PTPRM: variants seen among roughly 807,000 people sequenced by gnomAD.
PTPRM encodes the protein protein tyrosine phosphatase receptor type M.
Under a neutral mutation model 186.7 loss-of-function variants are expected in PTPRM, and 47 were observed. That is an observed-to-expected ratio of 0.25 (90% CI 0.20 to 0.32). The LOEUF (loss-of-function observed/expected upper bound fraction) is 0.32, where lower values mean the gene tolerates loss of function less well. Ranked by LOEUF, PTPRM falls within the 10% of genes least tolerant of loss-of-function variation. PTPRM has a pLI of 1.00. For missense variants in PTPRM, 1,494 were observed against 1,865.0 expected (o/e 0.80, Z 3.66); for synonymous variants, 668 against 674.9 (o/e 0.99, Z 0.16).
intron 19 of PTPRM, among the ~76,000 whole-genome samples, chr18:8,285,186 C>T (rs1399531694): frequency 3.9e-5 from 6 of 152,204 alleles, no homozygotes; most frequent in Non-Finnish European, 8.8e-5. Flanking sequence ...TTTCCACTGA[C>T]ATTCACAGGT....
At chr18:8,251,426 TTCCTGTA>T (rs775923726) in intron 17 of PTPRM, among the ~76,000 whole-genome samples, 44 of 152,228 alleles carry the variant, frequency 2.9e-4, no homozygotes, top group Non-Finnish European at 5.1e-4. Context: ...TTCAGCAGGG[TTCCTGTA>T]TCCCAGTTTA....
chr18:8,143,372 TA>T (rs139321782), intron 13 of PTPRM, among the ~76,000 whole-genome samples: 84 of 149,896 alleles, frequency 5.6e-4, no homozygotes, highest in East Asian at 2.5e-3. Context: ...AATATTTTTC[TA>T]AAAAAAAAAT....
At chr18:8,269,371 A>G (rs2094741969) in intron 19 of PTPRM, among the ~76,000 whole-genome samples, 2 of 152,016 alleles carry the variant, frequency 1.3e-5, no homozygotes, top group African/African-American at 4.8e-5. Flanking sequence ...ACTAGAAAAC[A>G]TTTATAAAAG....
chr18:8,246,322 A>G (rs1483006290), intron 15 of PTPRM, among the ~76,000 whole-genome samples: 3 of 152,148 alleles, frequency 2.0e-5, no homozygotes, highest in Non-Finnish European at 4.4e-5. Context: ...AAGGGGAAAA[A>G]CGAAATAGGA....
intron 11 of PTPRM, among the ~76,000 whole-genome samples, chr18:8,108,653 C>A (rs1480877992): frequency 2.0e-5 from 3 of 152,222 alleles, no homozygotes; most frequent in African/African-American, 7.2e-5. Flanking sequence ...GATTATACTT[C>A]ATGTGCTATT....
At chr18:8,241,942 A>G (rs2147277895) in intron 14 of PTPRM, among the ~76,000 whole-genome samples, 1 of 152,282 alleles carries the variant, frequency 6.6e-6, no homozygotes, top group South Asian at 2.1e-4. Context: ...CTTAAAGATC[A>G]GCAATTAAGT....
chr18:7,949,751 G>A (rs1326670656), intron 6 of PTPRM, among the ~76,000 whole-genome samples: 4 of 152,050 alleles, frequency 2.6e-5, no homozygotes, highest in Non-Finnish European at 5.9e-5. Flanking sequence ...AGCAGTGTCA[G>A]TATAAACATG....
chr18:8,224,287 A>C (rs2094187834), intron 14 of PTPRM, among the ~76,000 whole-genome samples: 1 of 152,158 alleles, frequency 6.6e-6, no homozygotes. Context: ...AAATCTTGTG[A>C]CTCTTCAATC....
At chr18:7,770,365 C>G (rs1343740552) in intron 1 of PTPRM, among the ~76,000 whole-genome samples, 2 of 152,184 alleles carry the variant, frequency 1.3e-5, no homozygotes, top group Non-Finnish European at 2.9e-5. Context: ...GCTCACAACT[C>G]TTCATCTTCT....
intron 1 of PTPRM, among the ~76,000 whole-genome samples, chr18:7,649,667 G>T (rs927025138): frequency 6.6e-6 from 1 of 152,122 alleles, no homozygotes; most frequent in African/African-American, 2.4e-5. Context: ...GGATGTTGCA[G>T]TGAGCTCAGA....
intron 7 of PTPRM, among the ~76,000 whole-genome samples, chr18:7,996,927 G>C (rs2083574608): frequency 6.6e-6 from 1 of 151,990 alleles, no homozygotes; most frequent in Non-Finnish European, 1.5e-5. Context: ...GTATGGATTA[G>C]AAGAATTATT....
intron 1 of PTPRM, among the ~76,000 whole-genome samples, chr18:7,639,587 G>A (rs1257283229): frequency 2.0e-5 from 3 of 150,270 alleles, no homozygotes; most frequent in Admixed American, 6.6e-5. Context: ...GGGTTTCACC[G>A]TGTTGGCTGG....
intron 2 of PTPRM, among the ~76,000 whole-genome samples, chr18:7,796,365 A>G (rs569197224): frequency 1.3e-5 from 2 of 152,164 alleles, no homozygotes; most frequent in Non-Finnish European, 2.9e-5. Flanking sequence ...TGCGTAACCT[A>G]TAAGAGTAAA....
intron 19 of PTPRM, among the ~76,000 whole-genome samples, chr18:8,289,631 TAC>T (rs1216025417): frequency 1.4e-5 from 2 of 145,350 alleles, no homozygotes; most frequent in Admixed American, 7.0e-5. Context: ...CATATATATA[TAC>T]ACACATATAT....
At chr18:8,129,228 T>A (rs541165818) in intron 13 of PTPRM, among the ~76,000 whole-genome samples, 60 of 87,414 alleles carry the variant, frequency 6.9e-4, no homozygotes, top group African/African-American at 1.6e-3. Flanking sequence ...AAATATATTA[T>A]TTCAATTTTT....
At chr18:8,157,931 G>T (rs1440409967) in intron 14 of PTPRM, among the ~76,000 whole-genome samples, 1 of 152,232 alleles carries the variant, frequency 6.6e-6, no homozygotes, top group Non-Finnish European at 1.5e-5. Context: ...GCCTTGTCAT[G>T]TATCTGTGTG....
intron 7 of PTPRM, among the ~76,000 whole-genome samples, chr18:7,981,489 G>A (rs1183166595): frequency 6.6e-6 from 1 of 152,148 alleles, no homozygotes; most frequent in African/African-American, 2.4e-5. Context: ...CAATTAAAGT[G>A]TGAGGCAGTC....
intron 1 of PTPRM, among the ~76,000 whole-genome samples, chr18:7,607,476 C>G (rs1000038239): frequency 6.6e-6 from 1 of 152,072 alleles, no homozygotes; most frequent in Non-Finnish European, 1.5e-5. Context: ...GGAGCTTGCA[C>G]TCGGGAGCCG....
chr18:8,179,719 C>A (rs569124107), intron 14 of PTPRM, among the ~76,000 whole-genome samples: 2 of 152,268 alleles, frequency 1.3e-5, no homozygotes, highest in East Asian at 3.9e-4. Context: ...CTTCCCGCCT[C>A]AGCTTCCTAA....
Sources: allele counts gnomAD v4.1 joint callset (sites outside exome capture counted in the v4.1 genomes callset), GRCh38; gene constraint gnomAD v4.1.1; transcripts MANE v1.5; gene names NCBI Gene and HGNC (gene_info 2026-07-23, HGNC 2026-07-21).